ACSL3: variants seen among roughly 807,000 people sequenced by gnomAD.
ACSL3 encodes the protein fatty acid CoA ligase Acsl3.
In ACSL3, 34 loss-of-function variants were observed where a neutral mutation model predicts 84.7. The observed-to-expected ratio is 0.40, with a 90% confidence interval of 0.31 to 0.53. The LOEUF (loss-of-function observed/expected upper bound fraction) is 0.53. ACSL3 is among the 20% of genes least tolerant of loss of function. The pLI is 0.48. For synonymous variants in ACSL3, 315 were observed against 299.4 expected (o/e 1.05, Z -0.54); for missense variants, 680 against 873.1 (o/e 0.78, Z 2.79).
intron 4 of ACSL3, among the ~76,000 whole-genome samples, chr2:222,915,614 GT>G (rs1238165529): frequency 2.6e-5 from 4 of 152,302 alleles, no homozygotes; most frequent in Admixed American, 6.5e-5. Flanking sequence ...TCAAAAGGGA[GT>G]TTTTACTAAT....
Position 222,887,829 on chromosome 2 carries a change from G to A in ACSL3, c.-206-1G>A, listed in dbSNP as rs1385988046. The A allele has an allele frequency of 6.6e-6, 1 of 152,088 alleles. No individual in the cohort carries two copies. The highest frequency in any genetic ancestry group is 6.5e-5 in the Admixed American group (1 of 15,278). The allele number at this position is 152,088 out of a possible 1,614,324, so 9.4% of individuals were successfully genotyped here. Reference sequence around the variant, plus strand: ...TGTCTTTTTTATGTTTGTTTTGACAGGTTTTGACACAAGGGCGCATATCTT... The same window carrying A: ...TGTCTTTTTTATGTTTGTTTTGACAAGTTTTGACACAAGGGCGCATATCTT... On this transcript the variant is annotated splice_acceptor_variant, in intron 1 of 16. Coordinates refer to ENST00000357430, the MANE Select transcript of ACSL3 (RefSeq NM_004457.5). LOFTEE classifies it low-confidence loss of function (5UTR_SPLICE).
At chr2:222,899,569 C>T (rs896490564) in intron 2 of ACSL3, among the ~76,000 whole-genome samples, 7 of 152,054 alleles carry the variant, frequency 4.6e-5, no homozygotes, top group South Asian at 4.1e-4. Flanking sequence ...TCGGATCTTG[C>T]GCAAGAAAGA....
At chr2:222,907,316 T>C (rs535621022) in intron 3 of ACSL3, among the ~76,000 whole-genome samples, 1 of 152,324 alleles carries the variant, frequency 6.6e-6, no homozygotes, top group South Asian at 2.1e-4. Context: ...CTCATCTATC[T>C]ACACTTGCCT....
intron 3 of ACSL3, among the ~76,000 whole-genome samples, chr2:222,905,267 C>A (rs1696262087): frequency 6.6e-6 from 1 of 152,130 alleles, no homozygotes; most frequent in Admixed American, 6.5e-5. Flanking sequence ...CTGAGGTGAT[C>A]CTCCCATCTC....
At chr2:222,904,954 G>A (rs1230820037) in intron 3 of ACSL3, 1 of 153,174 alleles carries the variant, frequency 6.5e-6, no homozygotes, top group Admixed American at 6.5e-5. Context: ...TGGAATAAGG[G>A]GGGTCTGAGG....
intron 1 of ACSL3, among the ~76,000 whole-genome samples, chr2:222,866,746 C>CCCCT (rs1695154849): frequency 2.1e-4 from 9 of 43,728 alleles, no homozygotes; most frequent in African/African-American, 5.0e-4. Context: ...ACTGCCCTGC[C>CCCCT]CCCCCCGCCC....
At chr2:222,864,013 C>A (rs892291148) in intron 1 of ACSL3, among the ~76,000 whole-genome samples, 3 of 151,610 alleles carry the variant, frequency 2.0e-5, no homozygotes, top group African/African-American at 4.9e-5. Context: ...TCATCTGATC[C>A]TTTTAAGAGC....
chr2:222,915,124 A>G (rs1156318477), intron 4 of ACSL3, among the ~76,000 whole-genome samples: 1 of 152,188 alleles, frequency 6.6e-6, no homozygotes, highest in Admixed American at 6.6e-5. Flanking sequence ...TAATAATTAT[A>G]ATCCAGTTCC....
chr2:222,903,295 C>T (rs2106113330), intron 3 of ACSL3, among the ~76,000 whole-genome samples: 1 of 152,280 alleles, frequency 6.6e-6, no homozygotes, highest in Middle Eastern at 3.4e-3. Flanking sequence ...GTGTGTGCCA[C>T]CATACCTGGC....
intron 1 of ACSL3, among the ~76,000 whole-genome samples, chr2:222,874,144 T>TCCC (rs1165230219): frequency 2.0e-5 from 3 of 152,170 alleles, no homozygotes; most frequent in Non-Finnish European, 4.4e-5. Flanking sequence ...TGCCTCAGCC[T>TCCC]CCCGAGTAGC....
rs200514094 is a variant in ACSL3 at position 222,930,731 on chromosome 2, T to C, written c.1651T>C (p.Phe551Leu). 4.3e-6 allele frequency: 7 copies of C among 1,614,066 alleles called. No homozygotes were observed. Among genetic ancestry groups the C allele is most frequent in the Non-Finnish European group, 5.9e-6 (7 of 1,180,032 alleles). ...TGAAGCAAAAACAAAAGCTGATTTCTTTGAAGATGAAAATGGACAAAGGTG... is the reference window on the plus strand; with the variant it reads ...TGAAGCAAAAACAAAAGCTGATTTCCTTGAAGATGAAAATGGACAAAGGTG... ...KNEAKTKADF[F>L]EDENGQRWLC... Residue 551 changes from phenylalanine (F) to leucine (L), a missense_variant, in exon 14 of 17, where the codon TTT (phenylalanine) becomes CTT (leucine). Coordinates refer to ENST00000357430, the MANE Select transcript of ACSL3 (RefSeq NM_004457.5).
intron 2 of ACSL3, among the ~76,000 whole-genome samples, chr2:222,898,733 A>G (rs1216075131): frequency 6.6e-6 from 1 of 152,208 alleles, no homozygotes; most frequent in Non-Finnish European, 1.5e-5. Flanking sequence ...AGGCTGAGGC[A>G]GGAGAATGGC....
intron 1 of ACSL3, among the ~76,000 whole-genome samples, chr2:222,883,145 AT>A (rs1255804407): frequency 7.4e-6 from 1 of 135,858 alleles, no homozygotes; most frequent in Non-Finnish European, 1.6e-5. Context: ...GAATCACCTT[AT>A]TTGTAGGTGG....
chr2:222,901,837 C>T (rs772714794), intron 3 of ACSL3, among the ~76,000 whole-genome samples: 10 of 149,544 alleles, frequency 6.7e-5, no homozygotes, highest in South Asian at 4.3e-4. Context: ...CTCAGCTACT[C>T]GGGAGGCTGA....
At chr2:222,864,625 G>A (rs1295189112) in intron 1 of ACSL3, among the ~76,000 whole-genome samples, 4 of 152,182 alleles carry the variant, frequency 2.6e-5, no homozygotes, top group African/African-American at 4.8e-5. Flanking sequence ...GGTAGGGGTG[G>A]GATGGGGAGC....
chr2:222,933,025 A>G, intron 14 of ACSL3, 141 bp from the exon 15 acceptor site: 4 of 530,076 alleles, frequency 7.5e-6, no homozygotes, highest in Non-Finnish European at 1.3e-5. Flanking sequence ...TTTCAGCATA[A>G]CCATTAATGC....
At chr2:222,862,064 G>C (rs1695028771) in intron 1 of ACSL3, among the ~76,000 whole-genome samples, 1 of 152,216 alleles carries the variant, frequency 6.6e-6, no homozygotes, top group South Asian at 2.1e-4. Flanking sequence ...AAGGCTGGAG[G>C]AATGTCTTTA....
intron 1 of ACSL3, among the ~76,000 whole-genome samples, chr2:222,862,212 C>T (rs1453910964): frequency 6.6e-6 from 1 of 152,212 alleles, no homozygotes; most frequent in Admixed American, 6.5e-5. Context: ...AGTGTCTTCA[C>T]ACTGTTAACA....
intron 1 of ACSL3, among the ~76,000 whole-genome samples, chr2:222,884,916 G>C (rs1251592536): frequency 2.0e-5 from 3 of 152,122 alleles, no homozygotes; most frequent in African/African-American, 7.2e-5. Context: ...CCTTGACCTT[G>C]TCTTCTCCAC....
Sources: gnomAD v4.1 joint callset for allele counts (sites outside exome capture counted in the v4.1 genomes callset) on GRCh38, gnomAD v4.1.1 for gene constraint, MANE v1.5 for transcripts, NCBI Gene and HGNC (gene_info 2026-07-23, HGNC 2026-07-21) for gene names.